The following RPTOR variants were observed in gnomAD, a reference collection of about 807,000 sequenced individuals.
RPTOR encodes the protein regulatory-associated protein of mTOR.
In RPTOR, 21 loss-of-function variants were observed where a neutral mutation model predicts 169.9. The ratio of observed to expected loss-of-function variants is 0.12; its 90% CI spans 0.09 to 0.18. RPTOR has a LOEUF of 0.18. RPTOR is among the 10% of genes least tolerant of loss of function. The probability of loss-of-function intolerance (pLI) is 1.00; values close to 1 mark genes in which losing one functional copy is unlikely to be tolerated. For synonymous variants in RPTOR, 732 were observed against 753.2 expected (o/e 0.97, Z 0.46); for missense variants, 1,133 against 1,855.9 (o/e 0.61, Z 7.16).
At chr17:80,630,304 A>T (rs866810624) in intron 2 of RPTOR, among the ~76,000 whole-genome samples, 2 of 152,220 alleles carry the variant, frequency 1.3e-5, no homozygotes, top group Non-Finnish European at 1.5e-5. Context: ...TGCATAGTCT[A>T]TAGTTTAGTA....
chr17:80,774,701 G>A (rs2066876671), intron 6 of RPTOR, among the ~76,000 whole-genome samples: 1 of 152,222 alleles, frequency 6.6e-6, no homozygotes, highest in African/African-American at 2.4e-5. Context: ...TTTCGGCAGG[G>A]ACAGTAATGG....
intron 7 of RPTOR, among the ~76,000 whole-genome samples, chr17:80,809,158 A>T (rs55865699): frequency 0.079 from 12,095 of 152,266 alleles, 674 homozygotes; most frequent in African/African-American, 0.16. Flanking sequence ...TGGCGCATCC[A>T]TGTCGACACT....
intron 3 of RPTOR, among the ~76,000 whole-genome samples, chr17:80,666,710 C>T (rs4889782): frequency 0.49 from 74,879 of 152,028 alleles, 20,900 homozygotes; most frequent in East Asian, 0.68. Context: ...CTGTGAGCAG[C>T]GCCCAACATT....
chr17:80,867,946 C>T (rs1176680122), intron 13 of RPTOR, among the ~76,000 whole-genome samples: 2 of 152,174 alleles, frequency 1.3e-5, no homozygotes, highest in African/African-American at 4.8e-5. Flanking sequence ...GGACCTACAG[C>T]AGGCAAAACA....
At chr17:80,950,972 C>T (rs2069168760) in intron 28 of RPTOR, among the ~76,000 whole-genome samples, 1 of 152,228 alleles carries the variant, frequency 6.6e-6, no homozygotes. Flanking sequence ...TTTGTGAAAA[C>T]TTCCCTCCCT....
chr17:80,592,005 C>G (rs1389704773), intron 1 of RPTOR, among the ~76,000 whole-genome samples: 1 of 152,182 alleles, frequency 6.6e-6, no homozygotes, highest in Non-Finnish European at 1.5e-5. Flanking sequence ...GGTCTGTCTT[C>G]TTGTGATGGA....
Position 80,959,509 on chromosome 17 carries a change from G to A in RPTOR, c.3478-569G>A, listed in dbSNP as rs995498352. 7.2e-5 allele frequency among the ~76,000 whole-genome samples: 11 copies of A among 152,150 alleles called. No individual in the cohort carries two copies. Among genetic ancestry groups the A allele is most frequent in the Admixed American group, 2.0e-4 (3 of 15,288 alleles). On this transcript the variant is annotated intron_variant, in intron 29 of 33. Transcript: ENST00000306801. This position sits in a 1 kb window ranked among gnomAD's most constrained non-coding sequence, Gnocchi z 6.7. ...GCACCGCCCATCGTGCGTGGAAAGC[G>A]CTCTCCCTCTCGTGGCCCTTTTCCT... is the stretch of plus-strand genomic sequence containing the variant.
chr17:80,616,459 T>A (rs890207666), intron 1 of RPTOR, among the ~76,000 whole-genome samples: 2 of 152,118 alleles, frequency 1.3e-5, no homozygotes, highest in Non-Finnish European at 2.9e-5. Context: ...CCACCACGCC[T>A]GGCTAATTTT....
intron 1 of RPTOR, among the ~76,000 whole-genome samples, chr17:80,563,640 C>G (rs1370427944): frequency 2.0e-5 from 3 of 147,526 alleles, no homozygotes; most frequent in Admixed American, 1.4e-4. Flanking sequence ...GTTTTGAAAT[C>G]AAGATATTTG....
intron 1 of RPTOR, among the ~76,000 whole-genome samples, chr17:80,589,014 T>C (rs1047271223): frequency 1.3e-5 from 2 of 152,192 alleles, no homozygotes; most frequent in Non-Finnish European, 2.9e-5. Context: ...CCCTAAAAGC[T>C]TCATAGTTTT....
intron 14 of RPTOR, 150 bp from the exon 15 acceptor site, chr17:80,883,269 C>A: frequency 1.4e-6 from 1 of 701,884 alleles, no homozygotes; most frequent in African/African-American, 1.8e-5. Flanking sequence ...TTTGTAGAGT[C>A]CACGTAAAAT....
At chr17:80,559,915 A>G (rs1216660311) in intron 1 of RPTOR, among the ~76,000 whole-genome samples, 1 of 152,234 alleles carries the variant, frequency 6.6e-6, no homozygotes, top group South Asian at 2.1e-4. Flanking sequence ...CACAGACCCC[A>G]GCTATCTGAA....
chr17:80,831,358 G>T (rs1489647879), intron 9 of RPTOR, among the ~76,000 whole-genome samples: 1 of 152,180 alleles, frequency 6.6e-6, no homozygotes, highest in Non-Finnish European at 1.5e-5. Context: ...ATTTGATTCT[G>T]TGGAGTCCGT....
Position 80,860,112 on chromosome 17 carries a change from C to G in RPTOR, c.1509+2212C>G, listed in dbSNP as rs1292432158. On this transcript the variant is annotated intron_variant, in intron 13 of 33. Coordinates refer to ENST00000306801, the MANE Select transcript of RPTOR (RefSeq NM_020761.3). The surrounding 1 kb of genome is among the most constrained non-coding windows in gnomAD (Gnocchi z 5.8). ...GGAGAGTGGACGGAGCTTAAGCCCC[C>G]GGGGCTCCTGCCTGCTGCCCGGCGC... is the stretch of plus-strand genomic sequence containing the variant. 6.6e-6 allele frequency among the ~76,000 whole-genome samples: 1 copy of G among 152,214 alleles called. No homozygotes were observed. The highest frequency in any genetic ancestry group is 1.5e-5 in the Non-Finnish European group (1 of 68,022).
chr17:80,836,384 AG>A (rs2067564584), intron 9 of RPTOR, among the ~76,000 whole-genome samples: 1 of 152,204 alleles, frequency 6.6e-6, no homozygotes, highest in Non-Finnish European at 1.5e-5. Flanking sequence ...GCACTGGGAA[AG>A]AAGTTGGGTA....
chr17:80,745,341 A>G (rs551003421), intron 5 of RPTOR, among the ~76,000 whole-genome samples: 2 of 152,280 alleles, frequency 1.3e-5, no homozygotes, highest in Non-Finnish European at 2.9e-5. Context: ...GGCTTTAGCT[A>G]GCCTTGGAAG....
rs1476477838 is a variant in RPTOR at position 80,744,181 on chromosome 17, T to C, written c.655-9829T>C. Among the ~76,000 whole-genome samples, 4 of 61,932 alleles carry C rather than the reference T, an allele frequency of 6.5e-5. 2 individuals carry two copies. Among genetic ancestry groups the C allele is most frequent in the East Asian group, 1.2e-3 (2 of 1,738 alleles). The allele number at this position is 61,932 out of a possible 152,430, so 40.6% of individuals were successfully genotyped here. A position where few individuals can be genotyped will look rare whatever the true frequency, so the allele number is the denominator to read the frequency against. Reference sequence around the variant, plus strand: ...AGCACAGCCCTGGTTACTAGCACTATCCTGGCTACTAGCACAGCCCTGGTT... The same window carrying C: ...AGCACAGCCCTGGTTACTAGCACTACCCTGGCTACTAGCACAGCCCTGGTT... On this transcript the variant is annotated intron_variant, in intron 5 of 33. Transcript: ENST00000306801.
At chr17:80,948,794 C>CT (rs997996897) in intron 27 of RPTOR, 2 of 152,612 alleles carry the variant, frequency 1.3e-5, no homozygotes, top group African/African-American at 2.4e-5. Flanking sequence ...TGCCCGCATG[C>CT]TTTCCCCACA....
In RPTOR at chr17:80,695,536, C is replaced by T. The variant is rs1465601017; in HGVS notation, c.349-12305C>T. On this transcript the variant is annotated intron_variant, in intron 3 of 33. Transcript: ENST00000306801. The surrounding 1 kb of genome is among the most constrained non-coding windows in gnomAD (Gnocchi z 4.9). ...ACTTCTCTCCAGCTCACCTCCACTG[C>T]GAGAGTGCCTGGGGATGCCTGCCAG... Among the ~76,000 whole-genome samples the T allele has an allele frequency of 1.3e-5, 2 of 152,092 alleles. No individual in the cohort carries two copies. Among genetic ancestry groups the T allele is most frequent in the Non-Finnish European group, 2.9e-5 (2 of 68,028 alleles).
Sources: gnomAD v4.1 joint callset for allele counts (sites outside exome capture counted in the v4.1 genomes callset) on GRCh38, gnomAD v4.1.1 for gene constraint, Gnocchi (gnomAD v3.1) non-coding constraint, MANE v1.5 for transcripts, NCBI Gene and HGNC (gene_info 2026-07-23, HGNC 2026-07-21) for gene names.